Variants in CSRP2 observed in about 807,000 individuals in gnomAD.
CSRP2 encodes cysteine and glycine rich protein 2.
In CSRP2, 18 loss-of-function variants were observed where a neutral mutation model predicts 24.6. That is an observed-to-expected ratio of 0.73 (90% CI 0.51 to 1.09). The LOEUF (loss-of-function observed/expected upper bound fraction) is 1.09. CSRP2 is among the 50% of genes least tolerant of loss of function. The pLI, the probability that CSRP2 is intolerant of heterozygous loss-of-function variation, is 0.00. For synonymous variants in CSRP2, 87 were observed against 84.3 expected (o/e 1.03, Z -0.18); for missense variants, 215 against 239.4 (o/e 0.90, Z 0.67).
intron 2 of CSRP2, chr12:76,863,621 T>A: frequency 3.2e-6 from 1 of 311,790 alleles, no homozygotes; most frequent in Non-Finnish European, 5.8e-6. Flanking sequence ...GTTTGTTTCG[T>A]TTATTTTTTA....
At chr12:76,873,838 G>A (rs916278406) in intron 1 of CSRP2, among the ~76,000 whole-genome samples, 1 of 152,184 alleles carries the variant, frequency 6.6e-6, no homozygotes, top group African/African-American at 2.4e-5. Flanking sequence ...CCTTACCTCC[G>A]TTCCATCCAG....
intron 1 of CSRP2, among the ~76,000 whole-genome samples, chr12:76,867,133 T>C (rs1340938081): frequency 6.6e-6 from 1 of 152,082 alleles, no homozygotes; most frequent in Non-Finnish European, 1.5e-5. Context: ...CTCACTGTCA[T>C]GTAGGGCCAA....
chr12:76,868,789 C>T (rs930945147), intron 1 of CSRP2, among the ~76,000 whole-genome samples: 4 of 152,096 alleles, frequency 2.6e-5, no homozygotes, highest in East Asian at 1.9e-4. Flanking sequence ...AAAAATTAGC[C>T]GGGCACGGTG....
At chr12:76,860,780 C>T (rs1347197724) in intron 3 of CSRP2, 2 of 157,816 alleles carry the variant, frequency 1.3e-5, no homozygotes, top group African/African-American at 4.8e-5. Context: ...AGAATAATAT[C>T]ACTGGAATCA....
At chr12:76,869,575 CA>C (rs1565826516) in intron 1 of CSRP2, among the ~76,000 whole-genome samples, 19 of 146,362 alleles carry the variant, frequency 1.3e-4, no homozygotes, top group African/African-American at 4.5e-4. Context: ...CACACACACA[CA>C]CACCCCTGAC....
intron 1 of CSRP2, among the ~76,000 whole-genome samples, chr12:76,871,133 A>G (rs150221615): frequency 1.9e-4 from 29 of 152,210 alleles, no homozygotes; most frequent in African/African-American, 5.1e-4. Flanking sequence ...CCGTTATAAT[A>G]GCTGCGCAAC....
intron 1 of CSRP2, among the ~76,000 whole-genome samples, chr12:76,870,687 T>C (rs145145747): frequency 4.0e-4 from 61 of 152,174 alleles, no homozygotes; most frequent in Middle Eastern, 3.4e-3. Flanking sequence ...AAAGCTTCAG[T>C]TGGATTTACA....
chr12:76,866,202 G>C lies in CSRP2; in HGVS notation c.59C>G (p.Ala20Gly). 1.2e-6 allele frequency: 2 copies of C among 1,614,100 alleles called. No individual in the cohort carries two copies. The highest frequency in any genetic ancestry group is 8.5e-7 in the Non-Finnish European group (1 of 1,180,008). Reference protein sequence around the residue: ...CGACGRTVYHAEEVQCDGRSF... With the variant: ...CGACGRTVYHGEEVQCDGRSF... ...CCTGCCATCACACTGCACCTCTTCT[G>C]CGTGGTACACGGTCCTCCCACAGGC... is the stretch of plus-strand genomic sequence containing the variant. Residue 20 changes from alanine to glycine, a missense_variant, in exon 2 of 6, where the codon GCA becomes GGA. Transcript: ENST00000311083.
intron 1 of CSRP2, among the ~76,000 whole-genome samples, chr12:76,869,280 C>G (rs769648717): frequency 5.3e-5 from 8 of 152,186 alleles, no homozygotes; most frequent in Non-Finnish European, 1.0e-4. Flanking sequence ...GAGTGGATCC[C>G]TCATGACCTA....
rs1298086666 is a variant in CSRP2 at position 76,860,415 on chromosome 12, T to C, written c.282-2A>G. Reference sequence around the variant, plus strand: ...GTTGTAGGCCTGTGAGGCTGAACACTTGTGAAAAGAGGAAAAAAAAAGTAG... The same window carrying C: ...GTTGTAGGCCTGTGAGGCTGAACACCTGTGAAAAGAGGAAAAAAAAAGTAG... On this transcript the variant is annotated splice_acceptor_variant, in intron 3 of 5. Coordinates refer to ENST00000311083, the MANE Select transcript of CSRP2 (RefSeq NM_001321.3). LOFTEE classifies it high-confidence loss of function. The C allele has an allele frequency of 2.5e-6, 4 of 1,578,876 alleles. No homozygotes were observed. Among genetic ancestry groups the C allele is most frequent in the Admixed American group, 3.6e-5 (2 of 55,176 alleles).
At chr12:76,861,366 A>ATATTT (rs1555191486) in intron 3 of CSRP2, 14 of 68,666 alleles carry the variant, frequency 2.0e-4, no homozygotes, top group Non-Finnish European at 4.0e-4. Flanking sequence ...ATATATATAT[A>ATATTT]TTTTTTTTTT....
At chr12:76,862,579 CAAAT>C in intron 3 of CSRP2, 2 of 445,932 alleles carry the variant, frequency 4.5e-6, no homozygotes, top group East Asian at 4.5e-5. Flanking sequence ...GAATTCTAAA[CAAAT>C]AAGTTATTTA....
intron 2 of CSRP2, among the ~76,000 whole-genome samples, chr12:76,865,416 T>C (rs1386445014): frequency 6.6e-6 from 1 of 152,254 alleles, no homozygotes; most frequent in Non-Finnish European, 1.5e-5. Context: ...TGTCTGCTTC[T>C]GGTTGTCTGC....
chr12:76,878,069 C>T (rs1953869953), intron 1 of CSRP2: 1 of 142,248 alleles, frequency 7.0e-6, no homozygotes, highest in Admixed American at 7.6e-5. Context: ...TTTTGGGTAG[C>T]CATTTAAGTA....
In CSRP2 at chr12:76,859,554, A is replaced by G. The variant is rs202057442; in HGVS notation, c.498T>C (p.Tyr166=). 2.8e-4 allele frequency: 447 copies of G among 1,611,182 alleles called. 4 individuals carry two copies. The South Asian group carries it at 4.6e-3, about 17-fold the overall frequency. ...TTLTEKEGEI[Y]CKGCYAKNFG... ...AACTGAAATGAATTTTACCTTTACAATAGATTTCACCTTCTTTTTCAGTCA... is the reference window on the plus strand; with the variant it reads ...AACTGAAATGAATTTTACCTTTACAGTAGATTTCACCTTCTTTTTCAGTCA... The change falls in exon 5 of 6, where the codon TAT becomes TAC. Residue 166 remains tyrosine (Y), a synonymous_variant. Transcript: ENST00000311083.
chr12:76,863,331 T>C lies in CSRP2; in HGVS notation c.126A>G (p.Lys42=). 6.2e-7 allele frequency: 1 copy of C among 1,614,090 alleles called. No homozygotes were observed. The highest frequency in any genetic ancestry group is 8.5e-7 in the Non-Finnish European group (1 of 1,180,002). Residue 42 remains lysine (K), a synonymous_variant, in exon 3 of 6, where the codon AAA becomes AAG. Transcript: ENST00000311083. ...TTGCCACTGTTGTGCTATCTAAATT[T>C]TTCCTGCAAACCACTGCAGGGGAAA... ...RCCFLCMVCR[K]NLDSTTVAIH...
intron 1 of CSRP2, among the ~76,000 whole-genome samples, chr12:76,872,004 C>A (rs1223850412): frequency 6.6e-6 from 1 of 152,128 alleles, no homozygotes; most frequent in Non-Finnish European, 1.5e-5. Flanking sequence ...ACTAAGCAAT[C>A]TGGGCTGCAT....
In CSRP2 at chr12:76,871,587, G is replaced by A. The variant is rs185332461; in HGVS notation, c.-1-5326C>T. On this transcript the variant is annotated intron_variant, in intron 1 of 5. Transcript: ENST00000311083. Reference sequence around the variant, plus strand: ...AGATCAAGACCATCCTGGCTAACACGGTGAAACCCCGTCTCTACTAAAAAT... The same window carrying A: ...AGATCAAGACCATCCTGGCTAACACAGTGAAACCCCGTCTCTACTAAAAAT... Among the ~76,000 whole-genome samples the A allele has an allele frequency of 7.8e-4, 118 of 152,174 alleles. No individual in the cohort carries two copies. The East Asian group carries it at 0.018, about 23-fold the overall frequency.
At chr12:76,866,420 C>T (rs1953736352) in intron 1 of CSRP2, among the ~76,000 whole-genome samples, 159 bp from the exon 2 acceptor site, 1 of 152,168 alleles carries the variant, frequency 6.6e-6, no homozygotes, top group African/African-American at 2.4e-5. Context: ...AACCTCATCT[C>T]CTCTCCCAAA....
Sources: allele counts gnomAD v4.1 joint callset (sites outside exome capture counted in the v4.1 genomes callset), GRCh38; gene constraint gnomAD v4.1.1; transcripts MANE v1.5; gene names NCBI Gene and HGNC (gene_info 2026-07-23, HGNC 2026-07-21).